Variants in FOXP1 observed in about 807,000 individuals in gnomAD.
The protein encoded by FOXP1 is forkhead box protein P1.
Under a neutral mutation model 98.2 loss-of-function variants are expected in FOXP1, and 15 were observed. That is an observed-to-expected ratio of 0.15 (90% CI 0.10 to 0.24). The LOEUF is 0.24. Ranked by LOEUF, FOXP1 falls within the 10% of genes least tolerant of loss-of-function variation. The pLI, the probability that FOXP1 is intolerant of heterozygous loss-of-function variation, is 1.00. For missense variants in FOXP1, 633 were observed against 848.5 expected, an observed-to-expected ratio of 0.75 and a Z score of 3.15; for synonymous variants, 371 against 314.5, an observed-to-expected ratio of 1.18 and a Z score of -1.90.
chr3:71,049,128 T>G (rs766147804), intron 9 of FOXP1, among the ~76,000 whole-genome samples: 1 of 152,162 alleles, frequency 6.6e-6, no homozygotes, highest in Non-Finnish European at 1.5e-5. Flanking sequence ...TGCAGTCCCC[T>G]CGGCAGGTCA....
chr3:71,471,522 T>C (rs754573345), intron 3 of FOXP1, among the ~76,000 whole-genome samples: 1 of 152,180 alleles, frequency 6.6e-6, no homozygotes, highest in Non-Finnish European at 1.5e-5. Context: ...CACCTTCTAG[T>C]CATTCCACAA....
chr3:71,570,412 A>C (rs2047247398), intron 2 of FOXP1: 1 of 152,148 alleles, frequency 6.6e-6, no homozygotes. Flanking sequence ...TGGACACAAC[A>C]CAATGCCAGT....
intron 11 of FOXP1, among the ~76,000 whole-genome samples, chr3:71,030,237 C>T (rs1258312466): frequency 6.6e-6 from 1 of 152,178 alleles, no homozygotes; most frequent in African/African-American, 2.4e-5. Context: ...GGCTAAATAC[C>T]ACCAAACAAC....
chr3:71,064,716 A>T, intron 7 of FOXP1: 1 of 774,942 alleles, frequency 1.3e-6, no homozygotes, highest in Non-Finnish European at 1.6e-6. Context: ...ACTCAACTTC[A>T]GAACCCTCGG....
chr3:71,499,576 TG>T (rs1479443561), intron 2 of FOXP1, among the ~76,000 whole-genome samples: 1 of 152,218 alleles, frequency 6.6e-6, no homozygotes, highest in Non-Finnish European at 1.5e-5. Context: ...GGCCACCTCA[TG>T]GAGTTTGCAT....
intron 3 of FOXP1, among the ~76,000 whole-genome samples, chr3:71,403,708 C>T (rs550549972): frequency 2.0e-5 from 3 of 152,078 alleles, no homozygotes; most frequent in African/African-American, 7.2e-5. Flanking sequence ...AAAAATAGCC[C>T]AATGTGGTGG....
chr3:71,075,515 A>C (rs1472913666), intron 7 of FOXP1, among the ~76,000 whole-genome samples: 1 of 152,188 alleles, frequency 6.6e-6, no homozygotes, highest in Non-Finnish European at 1.5e-5. Flanking sequence ...CTTCAGCCAA[A>C]CAATGGAAGA....
At chr3:71,145,712 T>A (rs547486985) in intron 6 of FOXP1, among the ~76,000 whole-genome samples, 1 of 152,228 alleles carries the variant, frequency 6.6e-6, no homozygotes, top group African/African-American at 2.4e-5. Flanking sequence ...TGTATAGTGG[T>A]ATCGCATCCT....
At chr3:71,437,647 A>C (rs558448209) in intron 3 of FOXP1, among the ~76,000 whole-genome samples, 125 of 152,196 alleles carry the variant, frequency 8.2e-4, no homozygotes, top group African/African-American at 3.0e-3. Context: ...CAATGGCTCC[A>C]CCATCCTCTC....
intron 11 of FOXP1, among the ~76,000 whole-genome samples, chr3:71,031,442 A>C (rs1488996858): frequency 6.6e-6 from 1 of 152,194 alleles, no homozygotes; most frequent in African/African-American, 2.4e-5. Context: ...AAGCAGAACA[A>C]GCCTTGGGTA....
At chr3:71,544,241 T>C (rs747235073) in intron 2 of FOXP1, among the ~76,000 whole-genome samples, 1 of 151,808 alleles carries the variant, frequency 6.6e-6, no homozygotes, top group African/African-American at 2.4e-5. Flanking sequence ...TATTTTATGA[T>C]ATAAATCCAG....
At chr3:71,070,813 T>C (rs2107419776) in intron 7 of FOXP1, among the ~76,000 whole-genome samples, 1 of 152,294 alleles carries the variant, frequency 6.6e-6, no homozygotes, top group East Asian at 1.9e-4. Flanking sequence ...TTCAAAAATA[T>C]ATCTCCAAGA....
At chr3:71,504,677 T>C (rs974903917) in intron 2 of FOXP1, among the ~76,000 whole-genome samples, 6 of 151,912 alleles carry the variant, frequency 3.9e-5, no homozygotes, top group African/African-American at 1.5e-4. Flanking sequence ...TTTGGAAATG[T>C]CTCGAGGCGC....
At chr3:71,053,373 A>T (rs147666213) in intron 8 of FOXP1, among the ~76,000 whole-genome samples, 19 of 152,180 alleles carry the variant, frequency 1.2e-4, no homozygotes, top group African/African-American at 4.3e-4. Context: ...TCTTACTGCT[A>T]CCAAGTCCAA....
intron 13 of FOXP1, among the ~76,000 whole-genome samples, 185 bp downstream of exon 13, chr3:71,000,781 GCCCAAA>G (rs2042019329): frequency 1.6e-5 from 2 of 121,916 alleles, no homozygotes; most frequent in Non-Finnish European, 3.2e-5. Context: ...GGCTGAACCT[GCCCAAA>G]GAGGTAAAAA....
chr3:71,264,690 A>G (rs1576654953), intron 5 of FOXP1, among the ~76,000 whole-genome samples: 1 of 152,196 alleles, frequency 6.6e-6, no homozygotes, highest in South Asian at 2.1e-4. Context: ...GTTTCCAAAC[A>G]CAAAACTCTC....
chr3:71,147,738 T>TTA (rs1055657716), intron 6 of FOXP1, among the ~76,000 whole-genome samples: 1 of 152,162 alleles, frequency 6.6e-6, no homozygotes, highest in African/African-American at 2.4e-5. Context: ...AATGAATAAA[T>TTA]GATCATACCA....
chr3:71,557,516 A>C, intron 2 of FOXP1, among the ~76,000 whole-genome samples: 1 of 152,214 alleles, frequency 6.6e-6, no homozygotes. Flanking sequence ...ACTACGAAAA[A>C]GAAAAGGTGC....
intron 4 of FOXP1, among the ~76,000 whole-genome samples, chr3:71,347,303 C>G (rs865802302): frequency 6.6e-6 from 1 of 152,134 alleles, no homozygotes; most frequent in Non-Finnish European, 1.5e-5. Context: ...CTTTGAACAA[C>G]CAGCCATACC....
Sources: allele counts gnomAD v4.1 joint callset (sites outside exome capture counted in the v4.1 genomes callset), GRCh38; gene constraint gnomAD v4.1.1; transcripts MANE v1.5; gene names NCBI Gene and HGNC (gene_info 2026-07-23, HGNC 2026-07-21).